The following TRIM2 variants were observed in gnomAD, a reference collection of about 807,000 sequenced individuals.
TRIM2 encodes the protein tripartite motif-containing protein 2.
In TRIM2, 20 loss-of-function variants were observed where a neutral mutation model predicts 75.2. The ratio of observed to expected loss-of-function variants is 0.27; its 90% CI spans 0.19 to 0.39. TRIM2 has a LOEUF of 0.39. TRIM2 is among the 10% of genes least tolerant of loss of function. The pLI, the probability that TRIM2 is intolerant of heterozygous loss-of-function variation, is 1.00. For synonymous variants in TRIM2, 373 were observed against 388.3 expected (o/e 0.96, Z 0.46); for missense variants, 660 against 990.8 (o/e 0.67, Z 4.48).
At chr4:153,204,000 A>G (rs1463572066), upstream of TRIM2, among the ~76,000 whole-genome samples, 1 of 152,254 alleles carries the variant, frequency 6.6e-6, no homozygotes, top group Non-Finnish European at 1.5e-5. Flanking sequence ...ATTCAATAAA[A>G]TAAGCATGTC....
chr4:153,304,679 C>T (rs1764619378), intron 6 of TRIM2, among the ~76,000 whole-genome samples: 1 of 150,044 alleles, frequency 6.7e-6, no homozygotes, highest in African/African-American at 2.5e-5. Context: ...GTCCATAAAC[C>T]ACATGCACGA....
chr4:153,160,677 C>G (rs1729654701), intron 1 of TRIM2, among the ~76,000 whole-genome samples: 1 of 152,210 alleles, frequency 6.6e-6, no homozygotes, highest in Non-Finnish European at 1.5e-5. Flanking sequence ...TCACTGCAGC[C>G]TCAACCTCTC....
At chr4:153,268,575 GTA>G (rs1283221186) in intron 1 of TRIM2, among the ~76,000 whole-genome samples, 1 of 152,192 alleles carries the variant, frequency 6.6e-6, no homozygotes, top group East Asian at 1.9e-4. Context: ...TTGGTAAAGA[GTA>G]TTTCCATAGG....
chr4:153,308,850 G>A, intron 6 of TRIM2: 1 of 366,730 alleles, frequency 2.7e-6, no homozygotes. Flanking sequence ...CCTCTCCCCT[G>A]CCCCACCTCT....
chr4:153,322,805 G>A lies in TRIM2; in HGVS notation c.1940G>A (p.Arg647Lys). Reference sequence around the variant, plus strand: ...TTTGGTAGCCGAGGAAATGGGGACAGGCAGTTTGCAGGTACACTCGATGGT... The same window carrying A: ...TTTGGTAGCCGAGGAAATGGGGACAAGCAGTTTGCAGGTACACTCGATGGT... ...TRFGSRGNGD[R>K]QFAGPHFAAV... The change falls in exon 9 of 12, where the codon AGG becomes AAG. Residue 647 changes from arginine to lysine, a missense_variant. Physicochemically the swap from Arg to Lys is conservative, Grantham distance 26. Coordinates refer to ENST00000338700, the MANE Select transcript of TRIM2 (RefSeq NM_015271.5). The A allele has an allele frequency of 6.2e-7, 1 of 1,614,192 alleles. No homozygotes were observed. The highest frequency in any genetic ancestry group is 8.5e-7 in the Non-Finnish European group (1 of 1,180,030).
intron 2 of TRIM2, among the ~76,000 whole-genome samples, chr4:153,274,400 A>G (rs1301199357): frequency 1.3e-5 from 2 of 152,222 alleles, no homozygotes; most frequent in Non-Finnish European, 2.9e-5. Flanking sequence ...TTGTTTAAAT[A>G]AATGGATGGA....
intron 1 of TRIM2, among the ~76,000 whole-genome samples, chr4:153,258,468 T>G (rs1466686518): frequency 6.6e-6 from 1 of 152,100 alleles, no homozygotes; most frequent in Non-Finnish European, 1.5e-5. Flanking sequence ...TGGGGATTAT[T>G]TTTGTGTCAG....
intron 1 of TRIM2, among the ~76,000 whole-genome samples, chr4:153,186,282 G>T (rs550113625): frequency 6.6e-6 from 1 of 152,118 alleles, no homozygotes; most frequent in African/African-American, 2.4e-5. Flanking sequence ...TATCTGTGAC[G>T]TAATGATCTC....
At chr4:153,155,207 A>G (rs1442819056) in intron 1 of TRIM2, among the ~76,000 whole-genome samples, 1 of 152,236 alleles carries the variant, frequency 6.6e-6, no homozygotes, top group Admixed American at 6.5e-5. Flanking sequence ...GGGGTTTCTC[A>G]GATTTTTGCA....
intron 1 of TRIM2, among the ~76,000 whole-genome samples, chr4:153,212,922 T>C (rs917364010): frequency 6.6e-6 from 1 of 152,224 alleles, no homozygotes; most frequent in Non-Finnish European, 1.5e-5. Flanking sequence ...ATCAGTCATT[T>C]TGTCTATTCA....
intron 6 of TRIM2, among the ~76,000 whole-genome samples, chr4:153,303,869 C>T (rs1764443138): frequency 6.6e-6 from 1 of 152,162 alleles, no homozygotes. Context: ...TTTGCCCATT[C>T]ATTATCCAGC....
intron 11 of TRIM2, among the ~76,000 whole-genome samples, chr4:153,332,695 G>C (rs888009581): frequency 3.3e-5 from 5 of 151,644 alleles, no homozygotes; most frequent in African/African-American, 1.2e-4. Context: ...AAATTTTACT[G>C]AAGAGGATGT....
intron 8 of TRIM2, among the ~76,000 whole-genome samples, chr4:153,318,150 C>T (rs543923102): frequency 3.9e-5 from 6 of 152,308 alleles, no homozygotes; most frequent in African/African-American, 1.4e-4. Context: ...ACCTGGTGGT[C>T]ATCACTTTGT....
intron 3 of TRIM2, among the ~76,000 whole-genome samples, chr4:153,286,530 T>C (rs747438129): frequency 4.6e-5 from 7 of 152,212 alleles, no homozygotes; most frequent in Admixed American, 6.5e-5. Context: ...TCAGACTTTG[T>C]ATTTCTTCAT....
chr4:153,307,929 A>C, intron 6 of TRIM2: 1 of 754,548 alleles, frequency 1.3e-6, no homozygotes, highest in South Asian at 1.4e-5. Context: ...CCCCATGCCC[A>C]TTATGGAGTC....
intron 1 of TRIM2, among the ~76,000 whole-genome samples, chr4:153,175,023 T>C (rs1455115873): frequency 1.7e-5 from 2 of 116,930 alleles, no homozygotes; most frequent in South Asian, 2.8e-4. Flanking sequence ...TTTTGTTTTT[T>C]TTTGAGACAG....
At chr4:153,239,542 C>T (rs1026341959) in intron 1 of TRIM2, among the ~76,000 whole-genome samples, 1 of 152,166 alleles carries the variant, frequency 6.6e-6, no homozygotes, top group African/African-American at 2.4e-5. Context: ...TACTGCTTCA[C>T]ATCCCCTTTA....
intron 1 of TRIM2, among the ~76,000 whole-genome samples, chr4:153,177,086 T>A (rs113088724): frequency 1.3e-5 from 2 of 152,168 alleles, no homozygotes; most frequent in African/African-American, 2.4e-5. Flanking sequence ...TGTTGGAGAA[T>A]CCCCAGCAAC....
chr4:153,295,873 C>G lies in TRIM2; in HGVS notation c.1347C>G (p.Ile449Met). The part of the protein sequence containing the change: ...IRGSPFKLKV[I>M]RSADVSPTTE... ...GCAGCCCGTTTAAGCTGAAAGTGAT[C>G]CGATCCGCTGATGTGTCTCCCACCA... is the stretch of plus-strand genomic sequence containing the variant. The change falls in exon 6 of 12, where the codon ATC becomes ATG. Residue 449 changes from isoleucine to methionine, a missense_variant. Around this residue, in one of 2 missense-constraint regions of TRIM2, gnomAD observed 620 missense variants for 891.0 expected, o/e 0.70. Coordinates refer to ENST00000338700, the MANE Select transcript of TRIM2 (RefSeq NM_015271.5). The surrounding 1 kb of genome is among the most constrained non-coding windows in gnomAD (Gnocchi z 7.2). The G allele has an allele frequency of 1.2e-6, 2 of 1,613,964 alleles. No homozygotes were observed. The highest frequency in any genetic ancestry group is 1.7e-6 in the Non-Finnish European group (2 of 1,179,934).
Sources: allele counts gnomAD v4.1 joint callset (sites outside exome capture counted in the v4.1 genomes callset), GRCh38; gene constraint gnomAD v4.1.1; regional missense constraint gnomAD v4.1.1; non-coding constraint Gnocchi (gnomAD v3.1); transcripts MANE v1.5; gene names NCBI Gene and HGNC (gene_info 2026-07-23, HGNC 2026-07-21).